The following MOB2 variants were observed in gnomAD, a reference collection of about 807,000 sequenced individuals.
The protein encoded by MOB2 is MOB kinase activator 2.
MOB2 carries 14 observed loss-of-function variants against 27.4 expected under a neutral mutation model. That is an observed-to-expected ratio of 0.51 (90% CI 0.34 to 0.80). The LOEUF (loss-of-function observed/expected upper bound fraction) is 0.80. Ranked by LOEUF, MOB2 falls within the 30% of genes least tolerant of loss-of-function variation. MOB2 has a pLI of 0.01. For missense variants in MOB2, 304 were observed against 354.6 expected, an observed-to-expected ratio of 0.86 and a Z score of 1.15; for synonymous variants, 167 against 151.8, an observed-to-expected ratio of 1.10 and a Z score of -0.74.
chr11:1,482,928 C>T (rs752073328), intron 1 of MOB2, among the ~76,000 whole-genome samples: 1 of 152,128 alleles, frequency 6.6e-6, no homozygotes, highest in Admixed American at 6.5e-5. Context: ...AGGCTCTCAG[C>T]GAAGGCCCAG....
intron 1 of MOB2, among the ~76,000 whole-genome samples, chr11:1,483,938 A>G (rs2334653): frequency 0.61 from 92,782 of 152,130 alleles, 29,134 homozygotes; most frequent in African/African-American, 0.73. Flanking sequence ...CACCCTGCCC[A>G]CAGCAGGTGC....
intron 3 of MOB2, 34 bp downstream of exon 3, chr11:1,480,359 A>C: frequency 6.2e-7 from 1 of 1,600,846 alleles, no homozygotes; most frequent in Non-Finnish European, 8.6e-7. Flanking sequence ...CGAGTCTCCC[A>C]AGAGAAAGTG....
rs556403622 is a variant in MOB2, at chr11:1,472,902, G to A, written c.366-1483C>T. 5.1e-4 allele frequency: 80 copies of A among 157,392 alleles called. 1 individual carries two copies. The South Asian group carries it at 0.014, about 27-fold the overall frequency. 9.7% of individuals were successfully genotyped at this position (157,392 alleles called of 1,614,324 possible). ...GGCACAGGGCCTCCAGCGTCTCTGGGCACCCCTCTGCTGTGTCCAAGAAGC... is the reference window on the plus strand; with the variant it reads ...GGCACAGGGCCTCCAGCGTCTCTGGACACCCCTCTGCTGTGTCCAAGAAGC... On this transcript the variant is annotated intron_variant, in intron 3 of 4. Transcript: ENST00000329957.
At chr11:1,483,918 C>T (rs1373978571) in intron 1 of MOB2, among the ~76,000 whole-genome samples, 2 of 152,202 alleles carry the variant, frequency 1.3e-5, no homozygotes, top group Non-Finnish European at 2.9e-5. Flanking sequence ...AGTCAACACA[C>T]AGGGGGTCTC....
chr11:1,471,119 T>TC (rs1408981114), intron 4 of MOB2, among the ~76,000 whole-genome samples, 176 bp downstream of exon 4: 1 of 152,192 alleles, frequency 6.6e-6, no homozygotes, highest in Non-Finnish European at 1.5e-5. Flanking sequence ...GCCCAAGGGC[T>TC]CCGGCCTCAC....
chr11:1,479,695 A>G (rs546237019), intron 3 of MOB2, among the ~76,000 whole-genome samples: 2 of 152,374 alleles, frequency 1.3e-5, no homozygotes, highest in South Asian at 4.1e-4. Context: ...ACGCACTCAC[A>G]GGCACACATT....
At chr11:1,479,110 T>A (rs1847882745) in intron 3 of MOB2, among the ~76,000 whole-genome samples, 1 of 152,032 alleles carries the variant, frequency 6.6e-6, no homozygotes, top group South Asian at 2.1e-4. Context: ...CAACACCACA[T>A]CCTACACTCC....
Position 1,486,385 on chromosome 11 carries a change from G to A in MOB2, c.110+62C>T, listed in dbSNP as rs1164021581. The A allele has an allele frequency of 4.6e-6, 6 of 1,310,760 alleles. No individual in the cohort carries two copies. In the East Asian group the frequency reaches 1.0e-4, roughly 22 times the overall value. 81.2% of individuals were successfully genotyped at this position (1,310,760 alleles called of 1,614,324 possible). ...CCCCACCCTGACCTCCTTCCTGGGG[G>A]CAAGAACAGGGCAGACAGATGTGCT... is the stretch of plus-strand genomic sequence containing the variant. On this transcript the variant is annotated intron_variant, in intron 1 of 4. Coordinates refer to ENST00000329957, the MANE Select transcript of MOB2 (RefSeq NM_001172223.3).
chr11:1,485,545 C>T (rs1466844419), intron 1 of MOB2, among the ~76,000 whole-genome samples: 3 of 152,214 alleles, frequency 2.0e-5, no homozygotes, highest in South Asian at 2.1e-4. Flanking sequence ...GAGCCGGGTG[C>T]CCAGGGACAG....
chr11:1,470,513 G>A (rs761492698), intron 4 of MOB2, 25 bp from the exon 5 acceptor site: 1 of 1,601,462 alleles, frequency 6.2e-7, no homozygotes, highest in East Asian at 2.2e-5. Context: ...CGTGTCACAA[G>A]CTGCAGACAT....
At chr11:1,484,831 T>G (rs1472165346) in intron 1 of MOB2, among the ~76,000 whole-genome samples, 1 of 152,204 alleles carries the variant, frequency 6.6e-6, no homozygotes, top group Admixed American at 6.5e-5. Flanking sequence ...CAGCACAGCC[T>G]GCACTGCCCA....
chr11:1,471,165 T>C, intron 4 of MOB2, 130 bp downstream of exon 4: 1 of 1,281,566 alleles, frequency 7.8e-7, no homozygotes, highest in South Asian at 1.5e-5. Context: ...AAGCAGGGAC[T>C]GGGGTGGTGC....
chr11:1,483,578 C>CT (rs1417145457), intron 1 of MOB2, among the ~76,000 whole-genome samples: 1 of 152,254 alleles, frequency 6.6e-6, no homozygotes, highest in Non-Finnish European at 1.5e-5. Context: ...CCTCACCTCC[C>CT]TCCTCCCTGC....
chr11:1,482,276 G>A (rs565695064), intron 1 of MOB2, among the ~76,000 whole-genome samples: 93 of 152,366 alleles, frequency 6.1e-4, no homozygotes, highest in Non-Finnish European at 1.0e-3. Context: ...CCTGGTGGTC[G>A]GTCACGCAGG....
intron 2 of MOB2, 80 bp from the exon 3 acceptor site, chr11:1,480,566 T>C: frequency 6.4e-7 from 1 of 1,553,672 alleles, no homozygotes; most frequent in East Asian, 2.2e-5. Context: ...CAGCAACAGG[T>C]GCAGGAGCTC....
intron 1 of MOB2, 148 bp downstream of exon 1, chr11:1,486,298 AC>A (rs1160793182): frequency 1.5e-6 from 1 of 649,364 alleles, no homozygotes; most frequent in Non-Finnish European, 2.7e-6. Context: ...GTGGCCCAGC[AC>A]AGCTCGCTGC....
Position 1,469,601 on chromosome 11 carries a change from G to T in MOB2, c.*571C>A, listed in dbSNP as rs1847751842. 1 of 456,766 alleles carries T rather than the reference G, an allele frequency of 2.2e-6. No individual in the cohort carries two copies. Among genetic ancestry groups the T allele is most frequent in the South Asian group, 1.5e-5 (1 of 64,578 alleles). The allele number at this position is 456,766 out of a possible 1,614,324, so 28.3% of individuals were successfully genotyped here. A position where few individuals can be genotyped will look rare whatever the true frequency, so the allele number is the denominator to read the frequency against. On this transcript the variant is annotated 3_prime_UTR_variant, in exon 5 of 5. Coordinates refer to ENST00000329957, the MANE Select transcript of MOB2 (RefSeq NM_001172223.3). ...GGACTGCACCATGGGTGTTCCTTGG[G>T]CATGGAGGAGGCAGCAGGAAGGGGT...
In MOB2 at chr11:1,480,891, A is replaced by G. The variant is rs1564911028; in HGVS notation, c.111-6T>C. ...TAGGCTTGGCTTTGGACTTCCTGCC[A>G]AGAGAGGAGACGCGGTGTGGTCACT... On this transcript the variant is annotated splice_region_variant and splice_polypyrimidine_tract_variant and intron_variant, in intron 1 of 4. Transcript: ENST00000329957. The G allele has an allele frequency of 1.9e-6, 3 of 1,552,884 alleles. No homozygotes were observed. Among genetic ancestry groups the G allele is most frequent in the African/African-American group, 1.4e-5 (1 of 73,288 alleles).
At chr11:1,482,195 C>G (rs759154566) in intron 1 of MOB2, among the ~76,000 whole-genome samples, 1 of 152,224 alleles carries the variant, frequency 6.6e-6, no homozygotes, top group East Asian at 1.9e-4. Flanking sequence ...GGCTGCCAAG[C>G]GGGCTACAAG....
Sources: gnomAD v4.1 joint callset for allele counts (sites outside exome capture counted in the v4.1 genomes callset) on GRCh38, gnomAD v4.1.1 for gene constraint, MANE v1.5 for transcripts, NCBI Gene and HGNC (gene_info 2026-07-23, HGNC 2026-07-21) for gene names.